Variants in TRPC6 observed in about 807,000 individuals in gnomAD.
The protein encoded by TRPC6 is transient receptor potential cation channel subfamily C member 6, also known as short transient receptor potential channel 6.
In TRPC6, 55 loss-of-function variants were observed where a neutral mutation model predicts 90.7. That is an observed-to-expected ratio of 0.61 (90% CI 0.49 to 0.76). The LOEUF (loss-of-function observed/expected upper bound fraction) is 0.76, where lower values mean the gene tolerates loss of function less well. TRPC6 is among the 30% of genes least tolerant of loss of function. The pLI is 0.00. For missense variants in TRPC6, 989 were observed against 1,122.7 expected, an observed-to-expected ratio of 0.88 and a Z score of 1.70; for synonymous variants, 393 against 393.0, an observed-to-expected ratio of 1.00 and a Z score of 0.00.
At chr11:101,497,064 G>C (rs1007759413) in intron 2 of TRPC6, among the ~76,000 whole-genome samples, 51 of 152,356 alleles carry the variant, frequency 3.3e-4, no homozygotes, top group Middle Eastern at 3.4e-3. Flanking sequence ...CCGATGTAAA[G>C]AAAGGAACAT....
chr11:101,563,759 G>A (rs1861767674), intron 1 of TRPC6, among the ~76,000 whole-genome samples: 1 of 152,182 alleles, frequency 6.6e-6, no homozygotes, highest in African/African-American at 2.4e-5. Context: ...AGTACGCAGA[G>A]CATGAAGGAG....
chr11:101,539,242 C>A (rs1565234781), intron 1 of TRPC6, among the ~76,000 whole-genome samples: 1 of 152,188 alleles, frequency 6.6e-6, no homozygotes, highest in African/African-American at 2.4e-5. Flanking sequence ...TTTTCAGATT[C>A]CTTAGAACTA....
chr11:101,558,075 C>T (rs117161393), intron 1 of TRPC6, among the ~76,000 whole-genome samples: 45 of 151,814 alleles, frequency 3.0e-4, no homozygotes, highest in Admixed American at 1.4e-3. Context: ...ATAGCCAAGG[C>T]AATTCATAAG....
chr11:101,499,334 C>T (rs79866909), intron 2 of TRPC6, among the ~76,000 whole-genome samples: 1,719 of 151,930 alleles, frequency 0.011, 18 homozygotes, highest in Non-Finnish European at 0.018. Flanking sequence ...AAAATTTTTA[C>T]AGGAAAATGG....
Position 101,453,736 on chromosome 11 carries a change from G to GAGAA in TRPC6, c.2569-15_2569-12dup. ...CCTTTTCATTATTTTCTAGAAAACAGAGAAAGGAGAAATCTATGTCAGTTT... is the reference window on the plus strand; with the variant it reads ...CCTTTTCATTATTTTCTAGAAAACAGAGAAAGAAAGGAGAAATCTATGTCAGTTT... On this transcript the variant is annotated splice_polypyrimidine_tract_variant and intron_variant, in intron 11 of 12. Transcript: ENST00000344327. The GAGAA allele has an allele frequency of 1.2e-6, 2 of 1,608,682 alleles. No homozygotes were observed. Among genetic ancestry groups the GAGAA allele is most frequent in the East Asian group, 4.5e-5 (2 of 44,834 alleles).
Position 101,471,703 on chromosome 11 carries a change from A to T in TRPC6, c.2206-317T>A, listed in dbSNP as rs548568597. On this transcript the variant is annotated intron_variant, in intron 8 of 12. Transcript: ENST00000344327. ...TATTCTCTCTTTTATTCTGAAATAT[A>T]CCACTCATTTATTTGGGACACAGAT... Among the ~76,000 whole-genome samples, 70 of 152,294 alleles carry T rather than the reference A, an allele frequency of 4.6e-4. No homozygotes were observed. The Middle Eastern group carries it at 0.01, about 22-fold the overall frequency.
At chr11:101,563,849 A>G (rs1271499937) in intron 1 of TRPC6, among the ~76,000 whole-genome samples, 5 of 152,344 alleles carry the variant, frequency 3.3e-5, no homozygotes, top group Admixed American at 1.3e-4. Flanking sequence ...AGAATCATCC[A>G]GCTAGTTTCA....
chr11:101,579,542 C>A (rs763694671), intron 1 of TRPC6, among the ~76,000 whole-genome samples: 22 of 152,078 alleles, frequency 1.4e-4, no homozygotes, highest in Admixed American at 1.3e-4. Context: ...TCTTGAAAAG[C>A]CTAGGCAATC....
chr11:101,474,972 G>A (rs548576700), intron 6 of TRPC6, among the ~76,000 whole-genome samples: 99 of 152,204 alleles, frequency 6.5e-4, no homozygotes, highest in South Asian at 1.0e-3. Flanking sequence ...TCACTTGATC[G>A]GGCACTTGCT....
chr11:101,507,280 T>C (rs958295787), intron 1 of TRPC6, among the ~76,000 whole-genome samples: 10 of 152,056 alleles, frequency 6.6e-5, no homozygotes, highest in Non-Finnish European at 8.8e-5. Context: ...CAAACTCTCT[T>C]CTCCATCAAT....
rs553356189 is a variant in TRPC6, at chr11:101,465,522, T to G, written c.2484+3905A>C. Among the ~76,000 whole-genome samples, 3 of 152,336 alleles carry G rather than the reference T, an allele frequency of 2.0e-5. No homozygotes were observed. The East Asian group carries it at 5.8e-4, about 29-fold the overall frequency. On this transcript the variant is annotated intron_variant, in intron 10 of 12. Coordinates refer to ENST00000344327, the MANE Select transcript of TRPC6 (RefSeq NM_004621.6). ...TTTTTTTCTAATCTTGTTTTCATGTTTTATTTCAGTAAGTTGATCTTCAAT... is the reference window on the plus strand; with the variant it reads ...TTTTTTTCTAATCTTGTTTTCATGTGTTATTTCAGTAAGTTGATCTTCAAT...
chr11:101,489,049 T>C lies in TRPC6; in HGVS notation c.1181A>G (p.Asn394Ser). 6.2e-7 allele frequency: 1 copy of C among 1,614,204 alleles called. No homozygotes were observed. Among genetic ancestry groups the C allele is most frequent in the Non-Finnish European group, 8.5e-7 (1 of 1,180,022 alleles). ...TGTCTGCTGTCGTAAACCAGAAAGA[T>C]TCTCATACCAAATGGAGAGAAGTTG... ...QQQLLSIWYENLSGLRQQTMA... is the reference protein window; with the variant it reads ...QQQLLSIWYESLSGLRQQTMA... The change falls in exon 4 of 13, where the codon AAT (asparagine) becomes AGT (serine). Residue 394 changes from asparagine (N) to serine (S), a missense_variant. By Grantham distance (46) the Asn-to-Ser change is conservative. This residue lies in a region of TRPC6 where 486 missense variants were observed against 591.9 expected (regional missense o/e 0.82). Transcript: ENST00000344327.
At chr11:101,516,716 C>T (rs1394793528) in intron 1 of TRPC6, among the ~76,000 whole-genome samples, 1 of 152,186 alleles carries the variant, frequency 6.6e-6, no homozygotes, top group African/African-American at 2.4e-5. Flanking sequence ...TTTGCAAGAG[C>T]CCCTGTAGGT....
chr11:101,541,080 GAATT>G (rs1339927867), intron 1 of TRPC6, among the ~76,000 whole-genome samples: 37 of 152,250 alleles, frequency 2.4e-4, no homozygotes, highest in African/African-American at 8.7e-4. Context: ...CATATTTTAT[GAATT>G]AATAGAAAAT....
At chr11:101,551,391 A>G (rs926022151) in intron 1 of TRPC6, among the ~76,000 whole-genome samples, 4 of 152,202 alleles carry the variant, frequency 2.6e-5, no homozygotes, top group African/African-American at 9.6e-5. Flanking sequence ...CTGTTTGTCA[A>G]AAAGAAGGCC....
At chr11:101,570,337 C>A (rs2136885164) in intron 1 of TRPC6, among the ~76,000 whole-genome samples, 1 of 152,224 alleles carries the variant, frequency 6.6e-6, no homozygotes, top group East Asian at 1.9e-4. Context: ...AGGTCAAATC[C>A]CTGAATAGAC....
At chr11:101,531,261 C>A (rs771171176) in intron 1 of TRPC6, among the ~76,000 whole-genome samples, 10 of 152,226 alleles carry the variant, frequency 6.6e-5, no homozygotes, top group South Asian at 4.1e-4. Flanking sequence ...AACTCAATCC[C>A]CATAAGAACT....
chr11:101,546,451 C>T (rs1224417249), intron 1 of TRPC6, among the ~76,000 whole-genome samples: 5 of 151,992 alleles, frequency 3.3e-5, no homozygotes, highest in African/African-American at 1.2e-4. Flanking sequence ...GGAGGTTCCT[C>T]GGTAACAAGT....
chr11:101,511,594 A>T (rs1860394898), intron 1 of TRPC6, among the ~76,000 whole-genome samples: 1 of 152,146 alleles, frequency 6.6e-6, no homozygotes, highest in Non-Finnish European at 1.5e-5. Flanking sequence ...CATTTCAAAT[A>T]AGTAGTGAGC....
Sources: gnomAD v4.1 joint callset for allele counts (sites outside exome capture counted in the v4.1 genomes callset) on GRCh38, gnomAD v4.1.1 for gene constraint, gnomAD v4.1.1 regional missense constraint, MANE v1.5 for transcripts, NCBI Gene and HGNC (gene_info 2026-07-23, HGNC 2026-07-21) for gene names.